Variants in DIP2C observed in about 807,000 individuals in gnomAD.
DIP2C encodes disco-interacting protein 2 homolog C.
DIP2C carries 33 observed loss-of-function variants against 192.4 expected under a neutral mutation model. That is an observed-to-expected ratio of 0.17 (90% CI 0.13 to 0.23). DIP2C has a LOEUF of 0.23. Among genes scored for constraint, DIP2C ranks in the 10% least tolerant of loss-of-function variants. The pLI, the probability that DIP2C is intolerant of heterozygous loss-of-function variation, is 1.00. For synonymous variants in DIP2C, 979 were observed against 864.1 expected (o/e 1.13, Z -2.33); for missense variants, 1,537 against 2,110.1 (o/e 0.73, Z 5.32).
intron 31 of DIP2C, among the ~76,000 whole-genome samples, chr10:315,614 C>T (rs1956742920): frequency 6.6e-6 from 1 of 152,196 alleles, no homozygotes; most frequent in African/African-American, 2.4e-5. Context: ...TTAAGATTGA[C>T]TCTGCCACTG....
At chr10:446,232 A>C (rs147019215) in intron 3 of DIP2C, among the ~76,000 whole-genome samples, 1 of 144,866 alleles carries the variant, frequency 6.9e-6, no homozygotes, top group Non-Finnish European at 1.5e-5. Flanking sequence ...AAAGTCTCAC[A>C]GTCCACTGGG....
intron 1 of DIP2C, among the ~76,000 whole-genome samples, chr10:493,608 C>CA (rs1387933406): frequency 2.0e-5 from 3 of 152,242 alleles, no homozygotes; most frequent in Admixed American, 6.5e-5. Context: ...GGCTTGAGAG[C>CA]AAGTCTCTCA....
intron 1 of DIP2C, among the ~76,000 whole-genome samples, chr10:500,777 TAACAA>T (rs1484932447): frequency 6.6e-6 from 1 of 152,214 alleles, no homozygotes; most frequent in Non-Finnish European, 1.5e-5. Flanking sequence ...AAGCAATGGA[TAACAA>T]AACAAGACAG....
intron 1 of DIP2C, among the ~76,000 whole-genome samples, chr10:498,910 T>TA (rs1448223240): frequency 1.3e-5 from 2 of 152,136 alleles, no homozygotes; most frequent in Non-Finnish European, 2.9e-5. Flanking sequence ...GAATGTGGAT[T>TA]TTCTATGGTG....
At chr10:590,653 C>G (rs554056388) in intron 1 of DIP2C, among the ~76,000 whole-genome samples, 1 of 152,346 alleles carries the variant, frequency 6.6e-6, no homozygotes, top group South Asian at 2.1e-4. Flanking sequence ...CCATAGTCTG[C>G]TCCTACACAA....
intron 9 of DIP2C, among the ~76,000 whole-genome samples, chr10:407,172 A>G (rs7068976): frequency 0.57 from 87,113 of 152,136 alleles, 24,990 homozygotes; most frequent in East Asian, 0.7. Flanking sequence ...GGCTCTGGCC[A>G]GGCAGCGGGC....
intron 1 of DIP2C, among the ~76,000 whole-genome samples, chr10:674,826 A>C (rs547381975): frequency 2.1e-5 from 3 of 144,726 alleles, no homozygotes; most frequent in African/African-American, 7.9e-5. Context: ...AGAGAGAGAG[A>C]GAGACCAACA....
chr10:561,941 C>T (rs532842725), intron 1 of DIP2C, among the ~76,000 whole-genome samples: 12 of 152,226 alleles, frequency 7.9e-5, no homozygotes, highest in Non-Finnish European at 1.5e-4. Context: ...AGTGCGGCTC[C>T]GCTGAGACCC....
At chr10:445,554 AC>A (rs1215848066) in intron 3 of DIP2C, among the ~76,000 whole-genome samples, 1 of 150,808 alleles carries the variant, frequency 6.6e-6, no homozygotes, top group African/African-American at 2.4e-5. Context: ...CTCACAGTCC[AC>A]TGGGCATCTG....
chr10:465,695 G>A (rs1407924730), intron 3 of DIP2C, among the ~76,000 whole-genome samples: 1 of 151,796 alleles, frequency 6.6e-6, no homozygotes, highest in Non-Finnish European at 1.5e-5. Context: ...CAAAGTCTCA[G>A]GATACAAAAT....
chr10:561,505 T>C (rs931800487), intron 1 of DIP2C, among the ~76,000 whole-genome samples: 23 of 152,178 alleles, frequency 1.5e-4, no homozygotes, highest in African/African-American at 5.5e-4. Flanking sequence ...AGAATGTTCC[T>C]CAAGGCTTTT....
rs1296433192 is a variant in DIP2C, at chr10:310,005, A to G, written c.3986+26T>C. The G allele has an allele frequency of 2.5e-6, 4 of 1,609,536 alleles. No homozygotes were observed. In the Admixed American group the frequency reaches 5.1e-5, roughly 21 times the overall value. ...AGAACAAAACAAAAAAAGGAAAAAA[A>G]GAAAAAACCCAGAAGTGTACAGTAC... On this transcript the variant is annotated intron_variant, in intron 32 of 36. Coordinates refer to ENST00000280886, the MANE Select transcript of DIP2C (RefSeq NM_014974.3).
At chr10:625,064 C>A (rs925878336) in intron 1 of DIP2C, among the ~76,000 whole-genome samples, 1 of 152,200 alleles carries the variant, frequency 6.6e-6, no homozygotes, top group Non-Finnish European at 1.5e-5. Context: ...GCACTATGGG[C>A]ACCGTCATTT....
intron 32 of DIP2C, among the ~76,000 whole-genome samples, chr10:294,701 A>G (rs1385108886): frequency 6.6e-6 from 1 of 152,198 alleles, no homozygotes; most frequent in Non-Finnish European, 1.5e-5. Context: ...TTTCCATGAC[A>G]TTCACTTGCA....
chr10:600,768 G>C (rs184015076), intron 1 of DIP2C, among the ~76,000 whole-genome samples: 182 of 152,340 alleles, frequency 1.2e-3, no homozygotes, highest in Non-Finnish European at 1.9e-3. Flanking sequence ...GGTTGGAGGA[G>C]TATCGTTGTG....
intron 36 of DIP2C, 46 bp downstream of exon 36, chr10:281,154 A>C (rs2132132656): frequency 6.2e-7 from 1 of 1,603,742 alleles, no homozygotes; most frequent in East Asian, 2.2e-5. Context: ...AATGCTTCAC[A>C]AACTCTGCTC....
chr10:627,935 GTGTCTGCAT>G (rs1156366942), intron 1 of DIP2C, among the ~76,000 whole-genome samples: 1 of 152,256 alleles, frequency 6.6e-6, no homozygotes, highest in East Asian at 1.9e-4. Flanking sequence ...CCCAGGGTCT[GTGTCTGCAT>G]CTGTAACGAC....
rs568270724 is a variant in DIP2C, at chr10:318,169, G to A, written c.3925-8077C>T. 9.2e-5 allele frequency among the ~76,000 whole-genome samples: 14 copies of A among 152,250 alleles called. No homozygotes were observed. In the South Asian group the frequency reaches 1.0e-3, roughly 11 times the overall value. ...AAAGGGAGGGGTGGGAGCAGCCACC[G>A]CTGCCACACTTTGGTCACCATACAT... is the stretch of plus-strand genomic sequence containing the variant. On this transcript the variant is annotated intron_variant, in intron 31 of 36. Transcript: ENST00000280886.
intron 3 of DIP2C, among the ~76,000 whole-genome samples, chr10:458,243 G>A (rs1256618809): frequency 6.6e-6 from 1 of 152,206 alleles, no homozygotes; most frequent in Non-Finnish European, 1.5e-5. Flanking sequence ...TGTAAATAAG[G>A]AAGTAACACT....
Sources: allele counts gnomAD v4.1 joint callset (sites outside exome capture counted in the v4.1 genomes callset), GRCh38; gene constraint gnomAD v4.1.1; transcripts MANE v1.5; gene names NCBI Gene and HGNC (gene_info 2026-07-23, HGNC 2026-07-21).